MELTF: variants seen among roughly 807,000 people sequenced by gnomAD.
MELTF encodes antigen p97 (melanoma associated) identified by monoclonal antibodies 133.2 and 96.5.
MELTF carries 67 observed loss-of-function variants against 83.7 expected under a neutral mutation model. That is an observed-to-expected ratio of 0.80 (90% CI 0.66 to 0.98). The LOEUF is 0.98. MELTF is among the 50% of genes least tolerant of loss of function. The pLI is 0.00. For synonymous variants in MELTF, 462 were observed against 447.6 expected (o/e 1.03, Z -0.41); for missense variants, 1,002 against 1,035.6 (o/e 0.97, Z 0.44).
chr3:197,008,639 G>A lies in MELTF; in HGVS notation c.1750+18C>T. 1 of 1,612,150 alleles carries A rather than the reference G, an allele frequency of 6.2e-7. No homozygotes were observed. Among genetic ancestry groups the A allele is most frequent in the Non-Finnish European group, 8.5e-7 (1 of 1,178,892 alleles). Reference sequence around the variant, plus strand: ...GTCCCCCCGACCTACCTTTGGCCCTGCTCTTGCCCCCACCTACCGTTTGTG... The same window carrying A: ...GTCCCCCCGACCTACCTTTGGCCCTACTCTTGCCCCCACCTACCGTTTGTG... On this transcript the variant is annotated intron_variant, in intron 13 of 15. Transcript: ENST00000296350. The surrounding 1 kb of genome is among the most constrained non-coding windows in gnomAD (Gnocchi z 5.4).
intron 7 of MELTF, 62 bp downstream of exon 7, chr3:197,017,041 C>A: frequency 6.5e-7 from 1 of 1,547,080 alleles, no homozygotes. Context: ...CCCTGCTGAG[C>A]GACCACAAGG....
chr3:197,014,944 GAAAA>G (rs905682953), intron 9 of MELTF, among the ~76,000 whole-genome samples: 2 of 151,214 alleles, frequency 1.3e-5, no homozygotes, highest in Non-Finnish European at 3.0e-5. Flanking sequence ...CAGGAAAAAA[GAAAA>G]AAAAAGTCGA....
In MELTF at chr3:197,024,189, G is replaced by C; in HGVS notation, c.487+114C>G. On this transcript the variant is annotated intron_variant, in intron 4 of 15. Transcript: ENST00000296350. This position sits in a 1 kb window ranked among gnomAD's most constrained non-coding sequence, Gnocchi z 5.3. ...CGGGCGGGGGCTGCTGCGCCTTCCAGGAATGAAGAATGGTGGCGAGGCCGG... is the reference window on the plus strand; with the variant it reads ...CGGGCGGGGGCTGCTGCGCCTTCCACGAATGAAGAATGGTGGCGAGGCCGG... 2.5e-6 allele frequency: 3 copies of C among 1,222,206 alleles called. No homozygotes were observed. The highest frequency in any genetic ancestry group is 3.4e-6 in the Non-Finnish European group (3 of 880,882). 75.7% of individuals were successfully genotyped at this position (1,222,206 alleles called of 1,614,324 possible). A position where few individuals can be genotyped will look rare whatever the true frequency, so the allele number is the denominator to read the frequency against.
chr3:197,004,166 G>A (rs1441101681), intron 14 of MELTF, 67 bp from the exon 15 acceptor site: 4 of 1,473,186 alleles, frequency 2.7e-6, no homozygotes, highest in East Asian at 4.5e-5. Context: ...GCCCAGTGCC[G>A]CTAGCTGCAA....
At chr3:197,019,183 A>G (rs1429113010) in intron 6 of MELTF, 2 of 1,001,444 alleles carry the variant, frequency 2.0e-6, no homozygotes, top group East Asian at 9.7e-5. Flanking sequence ...GTGTAGTCCT[A>G]CCCCCGCTTC....
chr3:197,023,723 G>GT (rs1719724506), intron 4 of MELTF: 12 of 413,596 alleles, frequency 2.9e-5, no homozygotes, highest in Non-Finnish European at 3.8e-5. Context: ...CCCTCTTCCT[G>GT]GTTTTTTTTT....
rs1181268467 is a variant in MELTF, at chr3:197,022,839, G to A, written c.644+118C>T. 2.5e-5 allele frequency: 24 copies of A among 966,334 alleles called. No individual in the cohort carries two copies. The highest frequency in any genetic ancestry group is 1.3e-4 in the South Asian group (8 of 63,210). 59.9% of individuals were successfully genotyped at this position (966,334 alleles called of 1,614,324 possible). A position where few individuals can be genotyped will look rare whatever the true frequency, so the allele number is the denominator to read the frequency against. ...TATATAAAGGGTGCTTTGATGAGAC[G>A]CAGCCAACATGCCACTTCCCCCTCC... On this transcript the variant is annotated intron_variant, in intron 5 of 15. Coordinates refer to ENST00000296350, the MANE Select transcript of MELTF (RefSeq NM_005929.6). The surrounding 1 kb of genome is among the most constrained non-coding windows in gnomAD (Gnocchi z 5.1).
rs1467948584 is a variant in MELTF, at chr3:197,002,460, C to T, written c.*912G>A. ...GCGGGCACGGGGAGTGAGGGGTCCC[C>T]AGGCCCAGCGGGTGCGGGGCCGGGT... On this transcript the variant is annotated 3_prime_UTR_variant, in exon 16 of 16. Transcript: ENST00000296350. 6.6e-6 allele frequency: 1 copy of T among 152,260 alleles called. No homozygotes were observed. The highest frequency in any genetic ancestry group is 1.5e-5 in the Non-Finnish European group (1 of 68,106). 9.4% of individuals were successfully genotyped at this position (152,260 alleles called of 1,614,324 possible). A position where few individuals can be genotyped will look rare whatever the true frequency, so the allele number is the denominator to read the frequency against.
intron 9 of MELTF, among the ~76,000 whole-genome samples, chr3:197,013,577 A>G (rs1389556050): frequency 1.2e-4 from 18 of 152,262 alleles, no homozygotes; most frequent in Admixed American, 9.8e-4. Context: ...AACAGAGTGA[A>G]ATGAAGACAG....
intron 1 of MELTF, 152 bp from the exon 2 acceptor site, chr3:197,028,062 G>A (rs773755561): frequency 2.3e-5 from 19 of 830,548 alleles, no homozygotes; most frequent in African/African-American, 1.9e-4. Context: ...GGCACTAGGC[G>A]CAGAGACAGG....
rs762530752 is a variant in MELTF at position 197,027,874 on chromosome 3, G to A, written c.86C>T (p.Ser29Leu). Residue 29 changes from serine (S) to leucine (L), a missense_variant, in exon 2 of 16, where the codon TCG becomes TTG. Transcript: ENST00000296350. The stretch of plus-strand genomic sequence containing the variant: ...GCCGCACTTGTGCTGCTCTGGGTCC[G>A]AGGTGGCGCACCACCGCACCTCCAT... ...GGMEVRWCATSDPEQHKCGNM... is the reference protein window; with the variant it reads ...GGMEVRWCATLDPEQHKCGNM... 5.6e-6 allele frequency: 9 copies of A among 1,606,578 alleles called. No homozygotes were observed. Among genetic ancestry groups the A allele is most frequent in the Non-Finnish European group, 6.8e-6 (8 of 1,177,754 alleles).
chr3:197,026,497 C>A (rs1719859999), intron 3 of MELTF, 163 bp downstream of exon 3: 2 of 628,274 alleles, frequency 3.2e-6, no homozygotes, highest in Non-Finnish European at 5.7e-6. Context: ...AGCTCCTGTC[C>A]CTGGGGAATT....
intron 4 of MELTF, among the ~76,000 whole-genome samples, chr3:197,023,355 CA>C (rs1471297659): frequency 1.8e-4 from 27 of 152,246 alleles, no homozygotes; most frequent in Admixed American, 7.2e-4. Flanking sequence ...GGGAACTAAA[CA>C]TTTCCTCCTA....
At chr3:197,026,058 T>C (rs1184404983) in intron 3 of MELTF, 1 of 152,662 alleles carries the variant, frequency 6.6e-6, no homozygotes, top group Non-Finnish European at 1.5e-5. Flanking sequence ...CCATGTGTGA[T>C]GCGGGGACTG....
At chr3:197,017,892 C>T (rs1483759409) in intron 6 of MELTF, among the ~76,000 whole-genome samples, 3 of 152,028 alleles carry the variant, frequency 2.0e-5, no homozygotes, top group Non-Finnish European at 4.4e-5. Context: ...AAAAGAAAGG[C>T]TTTGGGTGAG....
At position 197,003,735 on chromosome 3, in the gene MELTF, G is replaced by A; in HGVS notation, c.2137+166C>T. On this transcript the variant is annotated intron_variant, in intron 15 of 15. Transcript: ENST00000296350. The surrounding 1 kb of genome is among the most constrained non-coding windows in gnomAD (Gnocchi z 6.2). ...GACCCGCCGGGCTCCCGCCCTCCCG[G>A]CCCGCAGCCTCCTGGCCAAAATCCT... 1 of 775,864 alleles carries A rather than the reference G, an allele frequency of 1.3e-6. No individual in the cohort carries two copies. The highest frequency in any genetic ancestry group is 1.8e-5 in the South Asian group (1 of 55,362). The allele number at this position is 775,864 out of a possible 1,614,324, so 48.1% of individuals were successfully genotyped here.
At position 197,006,857 on chromosome 3, in the gene MELTF, TC is replaced by T; in HGVS notation, c.1751-122del. ...AGGGAGGTGGCAACATCTGGCCAGC[TC>T]CCCAACCCTCTCCATTCTCCACGTG... On this transcript the variant is annotated intron_variant, in intron 13 of 15. Transcript: ENST00000296350. This position sits in a 1 kb window ranked among gnomAD's most constrained non-coding sequence, Gnocchi z 5.4. The T allele has an allele frequency of 1.2e-6, 1 of 865,052 alleles. No homozygotes were observed. 53.6% of individuals were successfully genotyped at this position (865,052 alleles called of 1,614,324 possible).
Position 197,024,827 on chromosome 3 carries a change from T to C in MELTF, c.305-342A>G, listed in dbSNP as rs1719787423. Reference sequence around the variant, plus strand: ...TGGACAGAAAGCAGAAGCCAGCAAGTCCTTGCTTTCCAAGAGCCTAGGCCC... The same window carrying C: ...TGGACAGAAAGCAGAAGCCAGCAAGCCCTTGCTTTCCAAGAGCCTAGGCCC... On this transcript the variant is annotated intron_variant, in intron 3 of 15. Coordinates refer to ENST00000296350, the MANE Select transcript of MELTF (RefSeq NM_005929.6). This position sits in a 1 kb window ranked among gnomAD's most constrained non-coding sequence, Gnocchi z 5.3. Among the ~76,000 whole-genome samples the C allele has an allele frequency of 6.6e-6, 1 of 152,194 alleles. No homozygotes were observed. Among genetic ancestry groups the C allele is most frequent in the Admixed American group, 6.5e-5 (1 of 15,284 alleles).
chr3:197,026,843 GC>G, intron 2 of MELTF, 84 bp from the exon 3 acceptor site: 1 of 1,266,184 alleles, frequency 7.9e-7, no homozygotes, highest in Non-Finnish European at 1.1e-6. Flanking sequence ...ATGGCCTGGG[GC>G]CCCACCCCAA....
Sources: gnomAD v4.1 joint callset for allele counts (sites outside exome capture counted in the v4.1 genomes callset) on GRCh38, gnomAD v4.1.1 for gene constraint, Gnocchi (gnomAD v3.1) non-coding constraint, MANE v1.5 for transcripts, NCBI Gene and HGNC (gene_info 2026-07-23, HGNC 2026-07-21) for gene names.